Variants in RALYL observed in about 807,000 individuals in gnomAD.
The protein encoded by RALYL is RNA-binding Raly-like protein.
In RALYL, 29 loss-of-function variants were observed where a neutral mutation model predicts 35.1. That is an observed-to-expected ratio of 0.83 (90% CI 0.61 to 1.13). The LOEUF is 1.13. RALYL is among the 50% of genes most tolerant of loss of function. The pLI is 0.00. For synonymous variants in RALYL, 120 were observed against 127.6 expected (o/e 0.94, Z 0.40); for missense variants, 359 against 360.4 (o/e 1.00, Z 0.03).
intron 1 of RALYL, among the ~76,000 whole-genome samples, chr8:84,491,959 C>A (rs942625203): frequency 1.3e-5 from 2 of 151,750 alleles, no homozygotes; most frequent in African/African-American, 4.8e-5. Context: ...AAGTGATGGG[C>A]AATTTGTGTT....
chr8:84,554,638 T>G (rs2060968539), intron 2 of RALYL, among the ~76,000 whole-genome samples: 1 of 152,200 alleles, frequency 6.6e-6, no homozygotes, highest in Non-Finnish European at 1.5e-5. Context: ...CTGGGATTCT[T>G]GCTCTCCTAG....
Position 84,540,476 on chromosome 8 carries a change from T to G in RALYL, c.256+10899T>G, listed in dbSNP as rs909036484. 3.3e-5 allele frequency among the ~76,000 whole-genome samples: 5 copies of G among 152,194 alleles called. No individual in the cohort carries two copies. In the South Asian group the frequency reaches 1.0e-3, roughly 32 times the overall value. On this transcript the variant is annotated intron_variant, in intron 2 of 8. Coordinates refer to ENST00000521268, the MANE Select transcript of RALYL (RefSeq NM_173848.7). Reference sequence around the variant, plus strand: ...AAATGAATTTTTATTTTCCCTTTTATTCTGTTAGTGTGATGAACTACAACA... The same window carrying G: ...AAATGAATTTTTATTTTCCCTTTTAGTCTGTTAGTGTGATGAACTACAACA...
chr8:84,209,104 A>G (rs1023001983), intron 1 of RALYL, among the ~76,000 whole-genome samples: 1 of 149,378 alleles, frequency 6.7e-6, no homozygotes, highest in African/African-American at 2.5e-5. Context: ...CAAATATTGC[A>G]TAAACATCCC....
chr8:84,522,958 A>C (rs888267814), intron 1 of RALYL, among the ~76,000 whole-genome samples: 22 of 151,910 alleles, frequency 1.4e-4, no homozygotes, highest in Admixed American at 2.6e-4. Context: ...CCACATAAAC[A>C]GGGGGCCTCA....
chr8:84,381,843 A>C (rs1858055667), intron 1 of RALYL, among the ~76,000 whole-genome samples: 1 of 151,580 alleles, frequency 6.6e-6, no homozygotes, highest in African/African-American at 2.4e-5. Context: ...TTTTCTTTCC[A>C]TCTACCTGGT....
intron 1 of RALYL, among the ~76,000 whole-genome samples, chr8:84,345,509 C>T (rs1389210860): frequency 6.6e-6 from 1 of 152,052 alleles, no homozygotes; most frequent in Non-Finnish European, 1.5e-5. Flanking sequence ...TCTTTAGATA[C>T]ATGAGTCTTT....
intron 1 of RALYL, among the ~76,000 whole-genome samples, chr8:84,321,683 A>G (rs577189743): frequency 1.3e-5 from 2 of 152,234 alleles, no homozygotes; most frequent in African/African-American, 4.8e-5. Context: ...GGACATAACC[A>G]GGGACACAGA....
chr8:84,779,833 C>T (rs531885126), intron 3 of RALYL, among the ~76,000 whole-genome samples: 1 of 152,314 alleles, frequency 6.6e-6, no homozygotes, highest in South Asian at 2.1e-4. Flanking sequence ...TTCATGGTGG[C>T]TCTAGCACAT....
intron 8 of RALYL, among the ~76,000 whole-genome samples, chr8:84,905,501 A>G (rs944482487): frequency 6.6e-6 from 1 of 152,072 alleles, no homozygotes; most frequent in Admixed American, 6.6e-5. Context: ...GGACCTCCAT[A>G]CTGTTTTCCA....
intron 1 of RALYL, among the ~76,000 whole-genome samples, chr8:84,275,448 G>A (rs1835175393): frequency 6.6e-6 from 1 of 151,204 alleles, no homozygotes; most frequent in South Asian, 2.1e-4. Flanking sequence ...ATAAAATTAT[G>A]TATTATGTAC....
chr8:84,523,850 A>C (rs1263665981), intron 1 of RALYL, among the ~76,000 whole-genome samples: 3 of 151,840 alleles, frequency 2.0e-5, no homozygotes, highest in Middle Eastern at 3.4e-3. Context: ...TGAACTCATC[A>C]TTTTTTATGG....
At chr8:84,629,418 C>A (rs1823455652) in intron 2 of RALYL, among the ~76,000 whole-genome samples, 1 of 152,118 alleles carries the variant, frequency 6.6e-6, no homozygotes, top group African/African-American at 2.4e-5. Context: ...TGGGCATTCA[C>A]CCTAGGAAAA....
At position 84,804,755 on chromosome 8, in the gene RALYL, C is replaced by A; in HGVS notation, c.333-15C>A. The stretch of plus-strand genomic sequence containing the variant: ...AATTTTTATATTAAAAGAAAATTTT[C>A]ATATTTTTTCATAGACTTGAATCAA... On this transcript the variant is annotated splice_polypyrimidine_tract_variant and intron_variant, in intron 3 of 8. Transcript: ENST00000521268. 1.7e-6 allele frequency: 2 copies of A among 1,155,792 alleles called. No individual in the cohort carries two copies. Among genetic ancestry groups the A allele is most frequent in the Non-Finnish European group, 2.3e-6 (2 of 882,764 alleles). The allele number at this position is 1,155,792 out of a possible 1,614,324, so 71.6% of individuals were successfully genotyped here. A position where few individuals can be genotyped will look rare whatever the true frequency, so the allele number is the denominator to read the frequency against.
At chr8:84,854,219 G>A (rs941855527) in intron 5 of RALYL, among the ~76,000 whole-genome samples, 13 of 151,908 alleles carry the variant, frequency 8.6e-5, no homozygotes, top group African/African-American at 2.4e-4. Context: ...GGTGGTGGGC[G>A]CCTGTAATAC....
chr8:84,382,005 T>C lies in RALYL; in HGVS notation c.-23-147294T>C, dbSNP rs572100101. Among the ~76,000 whole-genome samples, 10 of 151,874 alleles carry C rather than the reference T, an allele frequency of 6.6e-5. No individual in the cohort carries two copies. In the South Asian group the frequency reaches 1.5e-3, roughly 22 times the overall value. On this transcript the variant is annotated intron_variant, in intron 1 of 8. Transcript: ENST00000521268. ...TTGGAAATATAGCCTATCTCTAATATAGTTATTTGATCCCTCCAAGTTATA... is the reference window on the plus strand; with the variant it reads ...TTGGAAATATAGCCTATCTCTAATACAGTTATTTGATCCCTCCAAGTTATA...
intron 1 of RALYL, among the ~76,000 whole-genome samples, chr8:84,273,639 CATTTT>C (rs1834771786): frequency 1.3e-5 from 2 of 152,210 alleles, no homozygotes. Context: ...GGAGAGGCTT[CATTTT>C]AGCTCTTAGT....
intron 1 of RALYL, among the ~76,000 whole-genome samples, chr8:84,196,602 C>G (rs934744413): frequency 6.6e-6 from 1 of 152,218 alleles, no homozygotes; most frequent in East Asian, 1.9e-4. Flanking sequence ...ACAGAACAGC[C>G]ACATTTCAGG....
At chr8:84,728,656 G>A (rs1277712532) in intron 2 of RALYL, among the ~76,000 whole-genome samples, 9 of 152,088 alleles carry the variant, frequency 5.9e-5, no homozygotes, top group Non-Finnish European at 8.8e-5. Flanking sequence ...TTTGTATAAG[G>A]TGTAAGGAAG....
intron 1 of RALYL, among the ~76,000 whole-genome samples, chr8:84,383,545 A>G (rs1028026022): frequency 1.3e-5 from 2 of 151,618 alleles, no homozygotes; most frequent in African/African-American, 4.8e-5. Context: ...AGGATTCTGA[A>G]AGGCAGTGAA....
Sources: allele counts gnomAD v4.1 joint callset (sites outside exome capture counted in the v4.1 genomes callset), GRCh38; gene constraint gnomAD v4.1.1; transcripts MANE v1.5; gene names NCBI Gene and HGNC (gene_info 2026-07-23, HGNC 2026-07-21).